Variants in TOM1L2 observed in about 807,000 individuals in gnomAD.
TOM1L2 encodes TOM1-like protein 2.
TOM1L2 carries 31 observed loss-of-function variants against 67.9 expected under a neutral mutation model. That is an observed-to-expected ratio of 0.46 (90% confidence interval 0.34 to 0.62). TOM1L2 has a LOEUF of 0.62. Among genes scored for constraint, TOM1L2 ranks in the 20% least tolerant of loss-of-function variants. The pLI is 0.01. For synonymous variants in TOM1L2, 256 were observed against 254.0 expected (o/e 1.01, Z -0.07); for missense variants, 606 against 663.5 (o/e 0.91, Z 0.95).
At chr17:17,876,525 C>T (rs1165534500) in intron 7 of TOM1L2, among the ~76,000 whole-genome samples, 2 of 152,162 alleles carry the variant, frequency 1.3e-5, no homozygotes, top group East Asian at 3.8e-4. Flanking sequence ...AGAAGACAGA[C>T]CAGGATCAAA....
At chr17:17,871,999 C>G (rs2037179083) in intron 7 of TOM1L2, 3 of 985,460 alleles carry the variant, frequency 3.0e-6, no homozygotes, top group African/African-American at 1.7e-5. Flanking sequence ...GTCCCCAGGC[C>G]AGGCAGGAGA....
intron 1 of TOM1L2, among the ~76,000 whole-genome samples, chr17:17,919,897 GA>G (rs1299416168): frequency 1.3e-5 from 2 of 152,138 alleles, no homozygotes; most frequent in Non-Finnish European, 2.9e-5. Flanking sequence ...TCTCTAATAG[GA>G]AGAAAATGAA....
intron 1 of TOM1L2, among the ~76,000 whole-genome samples, chr17:17,960,616 G>A (rs1451326769): frequency 6.6e-6 from 1 of 152,142 alleles, no homozygotes; most frequent in African/African-American, 2.4e-5. Flanking sequence ...AGTATTACAG[G>A]CATGAGCCAG....
chr17:17,954,771 C>T (rs1452761474), intron 1 of TOM1L2, among the ~76,000 whole-genome samples: 1 of 152,126 alleles, frequency 6.6e-6, no homozygotes, highest in Non-Finnish European at 1.5e-5. Context: ...CAGCCTCAAG[C>T]AATGGTCCAG....
chr17:17,847,062 A>C lies in TOM1L2; in HGVS notation c.*573T>G, dbSNP rs528584938. ...ATGGAGAGAGGGTCAAGAAGGTGAG[A>C]GACCCCCACCATGGAGACCCAGCAG... On this transcript the variant is annotated 3_prime_UTR_variant, in exon 15 of 15. Coordinates refer to ENST00000379504, the MANE Select transcript of TOM1L2 (RefSeq NM_001082968.2). The C allele has an allele frequency of 6.5e-6, 1 of 153,826 alleles. No individual in the cohort carries two copies. The highest frequency in any genetic ancestry group is 2.4e-5 in the African/African-American group (1 of 41,570). 9.5% of individuals were successfully genotyped at this position (153,826 alleles called of 1,614,324 possible).
chr17:17,879,527 C>T, intron 7 of TOM1L2, 100 bp downstream of exon 7: 1 of 907,510 alleles, frequency 1.1e-6, no homozygotes, highest in South Asian at 1.4e-5. Flanking sequence ...GGCCACTGGA[C>T]CTGTCCCGCC....
chr17:17,867,987 G>A (rs1452200413), intron 8 of TOM1L2, among the ~76,000 whole-genome samples: 1 of 152,148 alleles, frequency 6.6e-6, no homozygotes, highest in Non-Finnish European at 1.5e-5. Flanking sequence ...CCAGCCACCA[G>A]CCCCAGGCTT....
chr17:17,874,802 G>A (rs2037338358), intron 7 of TOM1L2, among the ~76,000 whole-genome samples: 1 of 152,154 alleles, frequency 6.6e-6, no homozygotes, highest in African/African-American at 2.4e-5. Context: ...GGGCCTCTAT[G>A]CTCCAATCCT....
At chr17:17,875,797 A>G (rs1207377165) in intron 7 of TOM1L2, among the ~76,000 whole-genome samples, 1 of 152,276 alleles carries the variant, frequency 6.6e-6, no homozygotes, top group East Asian at 1.9e-4. Context: ...ACACGGAATA[A>G]GGTCCTGAAG....
chr17:17,883,663 G>A (rs761014624), intron 5 of TOM1L2, among the ~76,000 whole-genome samples: 6 of 152,300 alleles, frequency 3.9e-5, no homozygotes, highest in Non-Finnish European at 7.4e-5. Context: ...GAACCCAGAA[G>A]GCGGAGCGTG....
intron 1 of TOM1L2, among the ~76,000 whole-genome samples, chr17:17,950,802 A>G (rs2041169778): frequency 6.6e-6 from 1 of 152,252 alleles, no homozygotes; most frequent in Non-Finnish European, 1.5e-5. Flanking sequence ...CTGTGACAGC[A>G]TAGGTGGCTC....
chr17:17,967,578 C>A (rs2041916221), intron 1 of TOM1L2, among the ~76,000 whole-genome samples: 1 of 152,172 alleles, frequency 6.6e-6, no homozygotes, highest in African/African-American at 2.4e-5. Flanking sequence ...CACTTCTTAG[C>A]CTCGCACACC....
intron 4 of TOM1L2, among the ~76,000 whole-genome samples, chr17:17,890,685 C>T (rs760911204): frequency 1.4e-4 from 21 of 152,146 alleles, no homozygotes; most frequent in Admixed American, 4.6e-4. Flanking sequence ...AGAGAAGACT[C>T]GTCTATGCTG....
At chr17:17,897,194 C>G (rs943856861) in intron 3 of TOM1L2, among the ~76,000 whole-genome samples, 1 of 152,178 alleles carries the variant, frequency 6.6e-6, no homozygotes, top group African/African-American at 2.4e-5. Context: ...AGCTCATTCC[C>G]TCGTGATATG....
At chr17:17,952,633 G>C (rs2041260435) in intron 1 of TOM1L2, among the ~76,000 whole-genome samples, 2 of 151,948 alleles carry the variant, frequency 1.3e-5, no homozygotes, top group Non-Finnish European at 2.9e-5. Flanking sequence ...GGGCTCAGGA[G>C]ATCCTCCAGC....
intron 1 of TOM1L2, among the ~76,000 whole-genome samples, chr17:17,962,822 G>A (rs756745031): frequency 2.6e-5 from 4 of 151,954 alleles, no homozygotes; most frequent in East Asian, 2.0e-4. Context: ...TTAGCTGGGC[G>A]TGGTGGCGCG....
chr17:17,970,763 A>T (rs2042037022), intron 1 of TOM1L2, among the ~76,000 whole-genome samples: 1 of 151,548 alleles, frequency 6.6e-6, no homozygotes. Context: ...GCTCCACTAA[A>T]GGCTGGAAAG....
At chr17:17,873,296 A>G (rs1191428822) in intron 7 of TOM1L2, among the ~76,000 whole-genome samples, 1 of 152,228 alleles carries the variant, frequency 6.6e-6, no homozygotes, top group Non-Finnish European at 1.5e-5. Context: ...TTTTACAGTG[A>G]CAGCTTTAAC....
In TOM1L2 at chr17:17,962,612, C is replaced by T. The variant is rs570259347; in HGVS notation, c.52+9650G>A. Among the ~76,000 whole-genome samples, 317 of 152,158 alleles carry T rather than the reference C, an allele frequency of 2.1e-3. 1 individual carries two copies. Among genetic ancestry groups the T allele is most frequent in the Non-Finnish European group, 3.0e-3 (202 of 68,008 alleles). On this transcript the variant is annotated intron_variant, in intron 1 of 14. Coordinates refer to ENST00000379504, the MANE Select transcript of TOM1L2 (RefSeq NM_001082968.2). The stretch of plus-strand genomic sequence containing the variant: ...TAAAGGCATGAGCCACCGCGACTGG[C>T]CCAATGTGAATATATTTAATGCCAT...
Sources: allele counts gnomAD v4.1 joint callset (sites outside exome capture counted in the v4.1 genomes callset), GRCh38; gene constraint gnomAD v4.1.1; transcripts MANE v1.5; gene names NCBI Gene and HGNC (gene_info 2026-07-23, HGNC 2026-07-21).